FIZ1: variants seen among roughly 807,000 people sequenced by gnomAD.
FIZ1 encodes the protein flt3-interacting zinc finger protein 1.
Under a neutral mutation model 5.3 loss-of-function variants are expected in FIZ1, and 2 were observed. That is an observed-to-expected ratio of 0.37 (90% CI 0.15 to 1.18). FIZ1 has a LOEUF of 1.18. FIZ1 is among the 50% of genes most tolerant of loss of function. The pLI is 0.37. For missense variants in FIZ1, 631 were observed against 749.7 expected (o/e 0.84, Z 1.85); for synonymous variants, 407 against 364.2 (o/e 1.12, Z -1.34).
At chr19:55,594,628 C>T (rs1232894486) in intron 2 of FIZ1, among the ~76,000 whole-genome samples, 9 of 126,364 alleles carry the variant, frequency 7.1e-5, no homozygotes, top group Non-Finnish European at 1.1e-4. Flanking sequence ...ACCCGGGAGG[C>T]GGAGCTTGCA....
At chr19:55,595,839 G>A (rs1006315553) in intron 2 of FIZ1, 4 of 152,118 alleles carry the variant, frequency 2.6e-5, no homozygotes, top group African/African-American at 4.8e-5. Context: ...CCCCATCCCC[G>A]ATCCAGACTG....
In FIZ1 at chr19:55,592,811, C is replaced by T. The variant is rs1260874216; in HGVS notation, c.1130G>A (p.Arg377Gln). The T allele has an allele frequency of 4.4e-6, 7 of 1,584,538 alleles. No individual in the cohort carries two copies. The South Asian group carries it at 4.5e-5, about 10-fold the overall frequency. The change falls in exon 3 of 3, where the codon CGG becomes CAG. Residue 377 changes from arginine to glutamine, a missense_variant. Physicochemically the swap from Arg to Gln is conservative, Grantham distance 43. This residue lies in a region of FIZ1 where 463 missense variants were observed against 455.1 expected (regional missense o/e 1.02). Coordinates refer to ENST00000221665, the MANE Select transcript of FIZ1 (RefSeq NM_032836.3). This position sits in a 1 kb window ranked among gnomAD's most constrained non-coding sequence, Gnocchi z 6.9. ...GCCGCCCTCACCGTGGCTGACCCGC[C>T]GGTGCTCCTCCAAGGCGGCCAGCGC... is the stretch of plus-strand genomic sequence containing the variant. ...YAALAALEEHRRVSHGEGGGE... is the reference protein window; with the variant it reads ...YAALAALEEHQRVSHGEGGGE...
In FIZ1 at chr19:55,591,558, A is replaced by T. The variant is rs1254122897; in HGVS notation, c.*892T>A. ...AAAGACCAACGGATGCTACGGAGAG[A>T]GGGAAGGAAACCCCAGTGTCCACCA... On this transcript the variant is annotated 3_prime_UTR_variant, in exon 3 of 3. Coordinates refer to ENST00000221665, the MANE Select transcript of FIZ1 (RefSeq NM_032836.3). The T allele has an allele frequency of 6.6e-6, 1 of 152,402 alleles. No homozygotes were observed. The highest frequency in any genetic ancestry group is 6.5e-5 in the Admixed American group (1 of 15,280). The allele number at this position is 152,402 out of a possible 1,614,324, so 9.4% of individuals were successfully genotyped here. A position where few individuals can be genotyped will look rare whatever the true frequency, so the allele number is the denominator to read the frequency against.
rs781288436 is a variant in FIZ1, at chr19:55,592,459, G to A, written c.1482C>T (p.Gly494=). 2 of 1,568,064 alleles carry A rather than the reference G, an allele frequency of 1.3e-6. No individual in the cohort carries two copies. Among genetic ancestry groups the A allele is most frequent in the South Asian group, 2.3e-5 (2 of 85,472 alleles). The change falls in exon 3 of 3, where the codon GGC becomes GGT. Residue 494 remains glycine (G), a synonymous_variant. Transcript: ENST00000221665. The surrounding 1 kb of genome is among the most constrained non-coding windows in gnomAD (Gnocchi z 6.9). The part of the protein sequence containing the change: ...NLSRHLKLHR[G]MD ...GCACGCAGCCTGGCAGTCAGTCCAT[G>A]CCCCGGTGCAGCTTCAGGTGCCTGG...
In FIZ1 at chr19:55,594,715, AAAAG is replaced by A. The variant is rs1215226673; in HGVS notation, c.295-1073_295-1070del. The stretch of plus-strand genomic sequence containing the variant: ...CTGTCTCAAAAAAAAAAAAAAAAAA[AAAAG>A]AAATCACTATCGGTGGCTAATGGCT... On this transcript the variant is annotated intron_variant, in intron 2 of 2. Transcript: ENST00000221665. Among the ~76,000 whole-genome samples the A allele has an allele frequency of 3.5e-4, 53 of 149,888 alleles. No individual in the cohort carries two copies. The East Asian group carries it at 9.9e-3, about 28-fold the overall frequency.
chr19:55,594,696 CAAAAAAAAAAAA>C (rs71181796), intron 2 of FIZ1, among the ~76,000 whole-genome samples: 2 of 86,960 alleles, frequency 2.3e-5, no homozygotes, highest in Admixed American at 2.8e-4. Flanking sequence ...GACTCTGTCT[CAAAAAAAAAAAA>C]AAAAAAAAAA....
At position 55,593,293 on chromosome 19, in the gene FIZ1, C is replaced by T. The variant is rs371860981; in HGVS notation, c.648G>A (p.Ala216=). The change falls in exon 3 of 3, where the codon GCG becomes GCA. Residue 216 remains alanine, a synonymous_variant. Coordinates refer to ENST00000221665, the MANE Select transcript of FIZ1 (RefSeq NM_032836.3). This position sits in a 1 kb window ranked among gnomAD's most constrained non-coding sequence, Gnocchi z 6.3. ...CGTCGGTGTGCGCCGCCCAGTGGGC[C>T]GCCAGCTCGCGGCCGTGGTCGAAGC... ...ARRFDHGREL[A]AHWAAHTDVK... 3.2e-6 allele frequency: 4 copies of T among 1,256,040 alleles called. No individual in the cohort carries two copies. The African/African-American group carries it at 4.8e-5, about 15-fold the overall frequency. 77.8% of individuals were successfully genotyped at this position (1,256,040 alleles called of 1,614,324 possible). A position where few individuals can be genotyped will look rare whatever the true frequency, so the allele number is the denominator to read the frequency against.
chr19:55,597,527 G>A, intron 2 of FIZ1, 45 bp downstream of exon 2: 2 of 1,582,816 alleles, frequency 1.3e-6, no homozygotes, highest in South Asian at 2.3e-5. Flanking sequence ...TCCCACCGTA[G>A]TCCTGACCAG....
rs779189184 is a variant in FIZ1, at chr19:55,592,618, C to A, written c.1323G>T (p.Pro441=). The A allele has an allele frequency of 3.7e-6, 6 of 1,613,340 alleles. No individual in the cohort carries two copies. Among genetic ancestry groups the A allele is most frequent in the Non-Finnish European group, 5.1e-6 (6 of 1,179,876 alleles). ...RHVLVHTGEK[P]FPCLECGKFF... The stretch of plus-strand genomic sequence containing the variant: ...ACTTGCCGCACTCCAGGCACGGGAA[C>A]GGCTTCTCGCCAGTGTGCACCAGCA... The change falls in exon 3 of 3, where the codon CCG becomes CCT. Residue 441 remains proline, a synonymous_variant. Transcript: ENST00000221665. The surrounding 1 kb of genome is among the most constrained non-coding windows in gnomAD (Gnocchi z 6.9).
rs1980208517 is a variant in FIZ1 at position 55,594,328 on chromosome 19, G to A, written c.295-682C>T. ...GTAGAAGAATCACTTGAACCCGGGAGGTGGAGGATGCAGTGAGCCAAAGAC... is the reference window on the plus strand; with the variant it reads ...GTAGAAGAATCACTTGAACCCGGGAAGTGGAGGATGCAGTGAGCCAAAGAC... On this transcript the variant is annotated intron_variant, in intron 2 of 2. Transcript: ENST00000221665. Among the ~76,000 whole-genome samples, 3 of 151,418 alleles carry A rather than the reference G, an allele frequency of 2.0e-5. No homozygotes were observed. In the South Asian group the frequency reaches 6.3e-4, roughly 32 times the overall value.
intron 2 of FIZ1, among the ~76,000 whole-genome samples, chr19:55,595,326 G>A (rs191396633): frequency 4.1e-4 from 62 of 152,268 alleles, no homozygotes; most frequent in Non-Finnish European, 7.9e-4. Context: ...TATCCTCTTT[G>A]TCACTAAATT....
rs780825373 is a variant in FIZ1 at position 55,592,921 on chromosome 19, C to T, written c.1020G>A (p.Ala340=). The part of the protein sequence containing the change: ...LYQCDCGTFF[A]SAAALASHLE... ...GGTGACTGGCCAGGGCCGCGGCCGA[C>T]GCAAAGAAGGTCCCGCAGTCGCACT... Residue 340 remains alanine, a synonymous_variant, in exon 3 of 3, where the codon GCG becomes GCA. Transcript: ENST00000221665. This position sits in a 1 kb window ranked among gnomAD's most constrained non-coding sequence, Gnocchi z 6.9. 3.2e-6 allele frequency: 5 copies of T among 1,551,958 alleles called. No homozygotes were observed. In the Middle Eastern group the frequency reaches 5.2e-4, roughly 160 times the overall value.
At chr19:55,597,317 G>A (rs1429595311) in intron 2 of FIZ1, among the ~76,000 whole-genome samples, 1 of 152,242 alleles carries the variant, frequency 6.6e-6, no homozygotes, top group East Asian at 1.9e-4. Context: ...GGGAGATGGG[G>A]CGGGCAGGAG....
intron 1 of FIZ1, chr19:55,598,175 G>A (rs1156407207): frequency 2.1e-5 from 9 of 427,856 alleles, no homozygotes; most frequent in Admixed American, 1.1e-4. Flanking sequence ...CCAATGCGCG[G>A]CCACTGCTCT....
At chr19:55,597,275 A>G (rs542127848) in intron 2 of FIZ1, among the ~76,000 whole-genome samples, 128 of 152,364 alleles carry the variant, frequency 8.4e-4, no homozygotes, top group African/African-American at 3.0e-3. Flanking sequence ...ACTAGATTGC[A>G]GATGCTGGTG....
intron 2 of FIZ1, among the ~76,000 whole-genome samples, chr19:55,594,715 A>G (rs930394495): frequency 1.3e-4 from 20 of 149,788 alleles, no homozygotes; most frequent in Admixed American, 1.3e-3. Context: ...AAAAAAAAAA[A>G]AAAGAAATCA....
In FIZ1 at chr19:55,592,247, CCT is replaced by C. The variant is rs11469855; in HGVS notation, c.*201_*202del. 5,826 of 597,224 alleles carry C rather than the reference CCT, an allele frequency of 9.8e-3. 291 individuals are homozygous for C. In the African/African-American group the frequency reaches 0.1, roughly 10 times the overall value. The allele number at this position is 597,224 out of a possible 1,614,324, so 37.0% of individuals were successfully genotyped here. ...GGGCTCCCCTGCCCCAGCTAAGGAC[CCT>C]GTTTGTTTGTGGTCCCCCAGCTCCG... On this transcript the variant is annotated 3_prime_UTR_variant, in exon 3 of 3. Transcript: ENST00000221665. The surrounding 1 kb of genome is among the most constrained non-coding windows in gnomAD (Gnocchi z 6.9).
At chr19:55,594,904 C>T (rs1367584329) in intron 2 of FIZ1, among the ~76,000 whole-genome samples, 1 of 152,064 alleles carries the variant, frequency 6.6e-6, no homozygotes, top group East Asian at 1.9e-4. Flanking sequence ...AATCCGGCTA[C>T]TGCTCAGAGT....
intron 2 of FIZ1, among the ~76,000 whole-genome samples, chr19:55,596,274 G>C (rs902340814): frequency 3.3e-5 from 5 of 152,072 alleles, no homozygotes; most frequent in African/African-American, 1.2e-4. Context: ...GAGAAAGCCG[G>C]GGCCAACATT....
Sources: gnomAD v4.1 joint callset for allele counts (sites outside exome capture counted in the v4.1 genomes callset) on GRCh38, gnomAD v4.1.1 for gene constraint, gnomAD v4.1.1 regional missense constraint, Gnocchi (gnomAD v3.1) non-coding constraint, MANE v1.5 for transcripts, NCBI Gene and HGNC (gene_info 2026-07-23, HGNC 2026-07-21) for gene names.